The following PPFIBP1 variants were observed in gnomAD, a reference collection of about 807,000 sequenced individuals.
PPFIBP1 encodes the protein liprin-beta-1.
Under a neutral mutation model 137.8 loss-of-function variants are expected in PPFIBP1, and 112 were observed. The ratio of observed to expected loss-of-function variants is 0.81; its 90% confidence interval spans 0.70 to 0.95. The LOEUF is 0.95. PPFIBP1 is among the 40% of genes least tolerant of loss of function. The probability of loss-of-function intolerance (pLI) is 0.00; values close to 1 mark genes in which losing one functional copy is unlikely to be tolerated. For synonymous variants in PPFIBP1, 378 were observed against 417.3 expected (o/e 0.91, Z 1.15); for missense variants, 1,083 against 1,196.6 (o/e 0.91, Z 1.40).
chr12:27,592,514 G>T, intron 2 of PPFIBP1: 1 of 1,211,648 alleles, frequency 8.3e-7, no homozygotes, highest in Non-Finnish European at 1.2e-6. Flanking sequence ...TTGCCTCTGT[G>T]AAAGAATCGT....
In PPFIBP1 at chr12:27,688,423, G is replaced by C; in HGVS notation, c.2496G>C (p.Met832Ile). Residue 832 changes from methionine (M) to isoleucine (I), a missense_variant and splice_region_variant, in exon 26 of 30, where the codon ATG becomes ATC. Physicochemically the swap from Met to Ile is conservative, Grantham distance 10. Coordinates refer to ENST00000228425, the MANE Select transcript of PPFIBP1 (RefSeq NM_003622.4). ...LRGSGVHGGL[M>I]VLEPRFNVET... The stretch of plus-strand genomic sequence containing the variant: ...GCAGTGGTGTCCATGGTGGGCTCAT[G>C]GTAAAGCTCTGATTTAATTTAAAAT... The C allele has an allele frequency of 6.2e-7, 1 of 1,612,924 alleles. No homozygotes were observed. Among genetic ancestry groups the C allele is most frequent in the Non-Finnish European group, 8.5e-7 (1 of 1,179,692 alleles).
At chr12:27,592,341 C>A in intron 2 of PPFIBP1, 1 of 558,714 alleles carries the variant, frequency 1.8e-6, no homozygotes, top group Non-Finnish European at 3.1e-6. Context: ...AAGAGGAAGA[C>A]ATGGGTAACA....
intron 6 of PPFIBP1, 77 bp downstream of exon 6, chr12:27,647,919 G>A (rs746632936): frequency 2.0e-6 from 3 of 1,480,704 alleles, no homozygotes; most frequent in Non-Finnish European, 2.7e-6. Flanking sequence ...TGTTGTGTTT[G>A]CTCTGATGCA....
intron 7 of PPFIBP1, among the ~76,000 whole-genome samples, chr12:27,653,013 G>A (rs1022304062): frequency 6.6e-6 from 1 of 152,100 alleles, no homozygotes; most frequent in Non-Finnish European, 1.5e-5. Context: ...TTATTAAGGT[G>A]TAATTGTATA....
intron 2 of PPFIBP1, among the ~76,000 whole-genome samples, chr12:27,603,880 G>A (rs1279147961): frequency 6.6e-6 from 1 of 152,150 alleles, no homozygotes; most frequent in Non-Finnish European, 1.5e-5. Flanking sequence ...CAACCCCCTT[G>A]GTGGGAAGAA....
chr12:27,671,252 C>T (rs1040969138), intron 13 of PPFIBP1, among the ~76,000 whole-genome samples, 179 bp from the exon 14 acceptor site: 4 of 152,182 alleles, frequency 2.6e-5, no homozygotes, highest in Admixed American at 6.5e-5. Flanking sequence ...AGAATGATTT[C>T]CTTGATTAGT....
At chr12:27,571,400 C>G (rs11049050) in intron 1 of PPFIBP1, among the ~76,000 whole-genome samples, 3 of 151,854 alleles carry the variant, frequency 2.0e-5, no homozygotes, top group Non-Finnish European at 2.9e-5. Context: ...ATTTACCCAC[C>G]GAAAAAGCAT....
chr12:27,576,113 T>C (rs1280458678), intron 1 of PPFIBP1, among the ~76,000 whole-genome samples: 2 of 152,222 alleles, frequency 1.3e-5, no homozygotes, highest in Non-Finnish European at 2.9e-5. Flanking sequence ...AGGCAATACT[T>C]ATTTTCTCAT....
rs189241562 is a variant in PPFIBP1, at chr12:27,607,630, C to G, written c.-35-25732C>G. 7.9e-5 allele frequency among the ~76,000 whole-genome samples: 12 copies of G among 152,266 alleles called. No homozygotes were observed. In the East Asian group the frequency reaches 2.1e-3, roughly 27 times the overall value. ...TTTTCTGACAAGTTCTCAAGTTATG[C>G]TGGTCTGGGGGCCACACTTTGAGAC... On this transcript the variant is annotated intron_variant, in intron 2 of 29. Transcript: ENST00000228425.
At chr12:27,614,029 G>A (rs1160893150) in intron 2 of PPFIBP1, among the ~76,000 whole-genome samples, 1 of 152,064 alleles carries the variant, frequency 6.6e-6, no homozygotes, top group Non-Finnish European at 1.5e-5. Context: ...TGGTAAAATG[G>A]TTTTAGCAGA....
chr12:27,629,634 G>A (rs1323876444), intron 2 of PPFIBP1, among the ~76,000 whole-genome samples: 2 of 152,082 alleles, frequency 1.3e-5, no homozygotes, highest in African/African-American at 2.4e-5. Context: ...GGAAGCCCAG[G>A]GAATCTTCCT....
chr12:27,635,145 T>C, intron 4 of PPFIBP1, 30 bp downstream of exon 4: 1 of 1,610,424 alleles, frequency 6.2e-7, no homozygotes, highest in Non-Finnish European at 8.5e-7. Flanking sequence ...AATTCTGTTA[T>C]AAATCCTTTG....
intron 8 of PPFIBP1, among the ~76,000 whole-genome samples, chr12:27,656,280 T>A (rs1307992090): frequency 1.3e-5 from 2 of 152,254 alleles, no homozygotes; most frequent in African/African-American, 2.4e-5. Flanking sequence ...AATTTGATTA[T>A]CTTCCTTGAT....
At chr12:27,589,425 A>G (rs1217925872) in intron 2 of PPFIBP1, among the ~76,000 whole-genome samples, 2 of 152,172 alleles carry the variant, frequency 1.3e-5, no homozygotes, top group Non-Finnish European at 2.9e-5. Flanking sequence ...GGTTATAGGC[A>G]TGAGCCACGG....
At chr12:27,594,712 G>C (rs1226237666) in intron 2 of PPFIBP1, among the ~76,000 whole-genome samples, 1 of 152,144 alleles carries the variant, frequency 6.6e-6, no homozygotes, top group Non-Finnish European at 1.5e-5. Context: ...ATGTAGAAAA[G>C]TATGAAGACA....
intron 1 of PPFIBP1, among the ~76,000 whole-genome samples, chr12:27,539,890 T>C (rs1030673179): frequency 6.6e-6 from 1 of 152,192 alleles, no homozygotes; most frequent in African/African-American, 2.4e-5. Flanking sequence ...AGATGAAATA[T>C]TCTGCGTATG....
chr12:27,534,726 G>A (rs1944802746), intron 1 of PPFIBP1, among the ~76,000 whole-genome samples: 1 of 152,104 alleles, frequency 6.6e-6, no homozygotes, highest in African/African-American at 2.4e-5. Context: ...GCTAGGGTTT[G>A]GTTAAAACAG....
chr12:27,633,321 T>A, intron 2 of PPFIBP1, 41 bp from the exon 3 acceptor site: 1 of 1,356,092 alleles, frequency 7.4e-7, no homozygotes, highest in Non-Finnish European at 1.1e-6. Flanking sequence ...AGCAAGCCTA[T>A]GTCATTTAAT....
chr12:27,606,946 G>C (rs1592806655), intron 2 of PPFIBP1, among the ~76,000 whole-genome samples: 1 of 152,132 alleles, frequency 6.6e-6, no homozygotes, highest in African/African-American at 2.4e-5. Context: ...ATGAAAATCA[G>C]ATTTCAATGT....
Sources: gnomAD v4.1 joint callset for allele counts (sites outside exome capture counted in the v4.1 genomes callset) on GRCh38, gnomAD v4.1.1 for gene constraint, MANE v1.5 for transcripts, NCBI Gene and HGNC (gene_info 2026-07-23, HGNC 2026-07-21) for gene names.